Variants in KCNQ1 observed in about 807,000 individuals in gnomAD.
KCNQ1 encodes potassium voltage-gated channel subfamily Q member 1.
Under a neutral mutation model 72.4 loss-of-function variants are expected in KCNQ1, and 49 were observed. That is an observed-to-expected ratio of 0.68 (90% CI 0.54 to 0.86). The LOEUF (loss-of-function observed/expected upper bound fraction) is 0.86. Ranked by LOEUF, KCNQ1 falls within the 40% of genes least tolerant of loss-of-function variation. KCNQ1 has a pLI of 0.00. For synonymous variants in KCNQ1, 450 were observed against 412.6 expected, an observed-to-expected ratio of 1.09 and a Z score of -1.10; for missense variants, 790 against 945.1, an observed-to-expected ratio of 0.84 and a Z score of 2.15.
chr11:2,643,347 G>A (rs970946346), intron 10 of KCNQ1: 1 of 398,212 alleles, frequency 2.5e-6, no homozygotes, highest in African/African-American at 2.1e-5. Context: ...TTGGTGTTGG[G>A]TGCATATATG....
rs1366879807 is a variant in KCNQ1, at chr11:2,479,024, T to A, written c.386+33540T>A. On this transcript the variant is annotated intron_variant, in intron 1 of 15. Transcript: ENST00000155840. This position sits in a 1 kb window ranked among gnomAD's most constrained non-coding sequence, Gnocchi z 4.6. ...GTTAAATCTTAATGCTCCAAAATGA[T>A]CTCCATTGACTCCATGTCTCACATC... Among the ~76,000 whole-genome samples the A allele has an allele frequency of 6.6e-6, 1 of 152,182 alleles. No individual in the cohort carries two copies. Among genetic ancestry groups the A allele is most frequent in the African/African-American group, 2.4e-5 (1 of 41,442 alleles).
intron 11 of KCNQ1, among the ~76,000 whole-genome samples, chr11:2,718,796 C>G (rs538905450): frequency 3.4e-4 from 52 of 152,332 alleles, no homozygotes; most frequent in Non-Finnish European, 1.5e-4. Flanking sequence ...CTCCCATCAG[C>G]ATCCAGGTGC....
At chr11:2,780,936 A>G (rs1461835636) in intron 15 of KCNQ1, among the ~76,000 whole-genome samples, 3 of 152,004 alleles carry the variant, frequency 2.0e-5, no homozygotes, top group African/African-American at 7.2e-5. Flanking sequence ...GGACGTCCCC[A>G]TTCCAGGGAT....
At chr11:2,749,139 T>C (rs947803961) in intron 11 of KCNQ1, among the ~76,000 whole-genome samples, 1 of 152,140 alleles carries the variant, frequency 6.6e-6, no homozygotes, top group African/African-American at 2.4e-5. Flanking sequence ...AGGCCAAACA[T>C]CAGAGACCTC....
rs538879996 is a variant in KCNQ1, at chr11:2,734,124, G to C, written c.1515-34720G>C. On this transcript the variant is annotated intron_variant, in intron 11 of 15. Coordinates refer to ENST00000155840, the MANE Select transcript of KCNQ1 (RefSeq NM_000218.3). This position sits in a 1 kb window ranked among gnomAD's most constrained non-coding sequence, Gnocchi z 7.0. ...TTTCAAGCTTGTCTAGCACTGGCAG[G>C]GGTGGTCCTGCTCCGGCCCCAGGGC... Among the ~76,000 whole-genome samples, 126 of 152,278 alleles carry C rather than the reference G, an allele frequency of 8.3e-4. No homozygotes were observed. In the South Asian group the frequency reaches 8.7e-3, roughly 11 times the overall value.
intron 2 of KCNQ1, among the ~76,000 whole-genome samples, chr11:2,561,890 C>G (rs1328363715): frequency 6.6e-6 from 1 of 151,646 alleles, no homozygotes; most frequent in Non-Finnish European, 1.5e-5. Context: ...AGGAGGGACA[C>G]AGAGGGCCCC....
At chr11:2,754,972 A>G (rs1440614440) in intron 11 of KCNQ1, among the ~76,000 whole-genome samples, 2 of 152,178 alleles carry the variant, frequency 1.3e-5, no homozygotes, top group African/African-American at 2.4e-5. Context: ...CCCAACACAC[A>G]TCAGAATAAC....
chr11:2,699,791 G>T (rs943764254), intron 11 of KCNQ1: 45 of 397,070 alleles, frequency 1.1e-4, no homozygotes, highest in African/African-American at 7.0e-4. Context: ...GAACCGCGCC[G>T]AGGGGCGCGC....
At chr11:2,614,296 T>C (rs1445669908) in intron 10 of KCNQ1, 2 of 398,434 alleles carry the variant, frequency 5.0e-6, no homozygotes, top group Non-Finnish European at 8.8e-6. Flanking sequence ...TAATATAGAG[T>C]CTTCTTTTTC....
chr11:2,800,864 C>T (rs1417281512), intron 15 of KCNQ1, among the ~76,000 whole-genome samples: 1 of 152,174 alleles, frequency 6.6e-6, no homozygotes, highest in East Asian at 1.9e-4. Flanking sequence ...ATGGTAAGAG[C>T]AGAGAACAGG....
intron 11 of KCNQ1, among the ~76,000 whole-genome samples, chr11:2,709,356 C>CG (rs1554910421): frequency 6.7e-6 from 1 of 149,458 alleles, no homozygotes; most frequent in Non-Finnish European, 1.5e-5. Context: ...CCAGGACCTG[C>CG]GGGGGCTTCC....
In KCNQ1 at chr11:2,658,634, G is replaced by A. The variant is rs528809956; in HGVS notation, c.1394-3327G>A. 4 of 398,404 alleles carry A rather than the reference G, an allele frequency of 1.0e-5. No individual in the cohort carries two copies. Among genetic ancestry groups the A allele is most frequent in the South Asian group, 2.6e-4 (2 of 7,828 alleles). 24.7% of individuals were successfully genotyped at this position (398,404 alleles called of 1,614,324 possible). On this transcript the variant is annotated intron_variant, in intron 10 of 15. Coordinates refer to ENST00000155840, the MANE Select transcript of KCNQ1 (RefSeq NM_000218.3). The surrounding 1 kb of genome is among the most constrained non-coding windows in gnomAD (Gnocchi z 4.9). ...CTGGATCTAGGCACGGGGTATGCTC[G>A]TGGCTACTAGGGTATCATTGCTTCA...
rs775245898 is a variant in KCNQ1, at chr11:2,482,022, C to T, written c.386+36538C>T. On this transcript the variant is annotated intron_variant, in intron 1 of 15. Coordinates refer to ENST00000155840, the MANE Select transcript of KCNQ1 (RefSeq NM_000218.3). The surrounding 1 kb of genome is among the most constrained non-coding windows in gnomAD (Gnocchi z 5.7). ...CAAAAAGGTTGGGGACCACGGCCATCGGCTGTTTGCTTTATGAATTTGTGC... is the reference window on the plus strand; with the variant it reads ...CAAAAAGGTTGGGGACCACGGCCATTGGCTGTTTGCTTTATGAATTTGTGC... Among the ~76,000 whole-genome samples, 21 of 152,166 alleles carry T rather than the reference C, an allele frequency of 1.4e-4. No individual in the cohort carries two copies. The highest frequency in any genetic ancestry group is 2.8e-4 in the Non-Finnish European group (19 of 68,040).
At position 2,766,009 on chromosome 11, in the gene KCNQ1, T is replaced by C. The variant is rs1846492067; in HGVS notation, c.1515-2835T>C. On this transcript the variant is annotated intron_variant, in intron 11 of 15. Transcript: ENST00000155840. This position sits in a 1 kb window ranked among gnomAD's most constrained non-coding sequence, Gnocchi z 4.4. ...CATGCTCCAAGCTGGCTATTTTCTT[T>C]GGGTTCACAGCTATTCTTTTCTACT... Among the ~76,000 whole-genome samples, 1 of 152,212 alleles carries C rather than the reference T, an allele frequency of 6.6e-6. No individual in the cohort carries two copies. Among genetic ancestry groups the C allele is most frequent in the Admixed American group, 6.5e-5 (1 of 15,286 alleles).
rs1407329981 is a variant in KCNQ1 at position 2,457,592 on chromosome 11, AATG to A, written c.386+12113_386+12115del. 2.6e-5 allele frequency among the ~76,000 whole-genome samples: 4 copies of A among 151,936 alleles called. No homozygotes were observed. The highest frequency in any genetic ancestry group is 9.7e-5 in the African/African-American group (4 of 41,230). On this transcript the variant is annotated intron_variant, in intron 1 of 15. Transcript: ENST00000155840. The surrounding 1 kb of genome is among the most constrained non-coding windows in gnomAD (Gnocchi z 5.0). ...CTAAACATCAAATCCATGTGGACAT[AATG>A]ATGAGAACAAGAGACACTGGGGAAT...
intron 11 of KCNQ1, chr11:2,689,325 C>T (rs1850549936): frequency 5.0e-6 from 2 of 398,690 alleles, no homozygotes; most frequent in Middle Eastern, 6.3e-4. Context: ...TCAGGACTGC[C>T]CCTATCCGCA....
Position 2,612,301 on chromosome 11 carries a change from G to A in KCNQ1, c.1393+23447G>A, listed in dbSNP as rs1323702968. On this transcript the variant is annotated intron_variant, in intron 10 of 15. Transcript: ENST00000155840. This position sits in a 1 kb window ranked among gnomAD's most constrained non-coding sequence, Gnocchi z 5.5. The stretch of plus-strand genomic sequence containing the variant: ...GTGAGGGATCTAGGTTGTGCACTCC[G>A]TATGAGAATCTAACTAAAGCCTCCC... 6.8e-5 allele frequency: 27 copies of A among 398,620 alleles called. No homozygotes were observed. Among genetic ancestry groups the A allele is most frequent in the Admixed American group, 2.6e-4 (6 of 22,734 alleles). The allele number at this position is 398,620 out of a possible 1,614,324, so 24.7% of individuals were successfully genotyped here. A position where few individuals can be genotyped will look rare whatever the true frequency, so the allele number is the denominator to read the frequency against.
chr11:2,452,188 T>G (rs763260098), intron 1 of KCNQ1, among the ~76,000 whole-genome samples: 1 of 152,128 alleles, frequency 6.6e-6, no homozygotes, highest in East Asian at 1.9e-4. Flanking sequence ...AATCATACTC[T>G]GGGGCGCACT....
chr11:2,632,956 A>G, intron 10 of KCNQ1: 1 of 398,474 alleles, frequency 2.5e-6, no homozygotes, highest in Non-Finnish European at 4.4e-6. Flanking sequence ...GTCAAACTGT[A>G]TGATAGTCTA....
Sources: allele counts gnomAD v4.1 joint callset (sites outside exome capture counted in the v4.1 genomes callset), GRCh38; gene constraint gnomAD v4.1.1; non-coding constraint Gnocchi (gnomAD v3.1); transcripts MANE v1.5; gene names NCBI Gene and HGNC (gene_info 2026-07-23, HGNC 2026-07-21).